The following FARP1 variants were observed in gnomAD, a reference collection of about 807,000 sequenced individuals.
The protein encoded by FARP1 is FERM, ARHGEF and pleckstrin domain-containing protein 1.
In FARP1, 52 loss-of-function variants were observed where a neutral mutation model predicts 128.8. The ratio of observed to expected loss-of-function variants is 0.40; its 90% CI spans 0.32 to 0.51. The LOEUF is 0.51. Ranked by LOEUF, FARP1 falls within the 20% of genes least tolerant of loss-of-function variation. FARP1 has a pLI of 0.45. For missense variants in FARP1, 1,333 were observed against 1,367.9 expected, an observed-to-expected ratio of 0.97 and a Z score of 0.40; for synonymous variants, 580 against 551.8, an observed-to-expected ratio of 1.05 and a Z score of -0.72.
rs551411033 is a variant in FARP1 at position 98,242,556 on chromosome 13, A to G, written c.171+29143A>G. ...TAGCCACGTGTGGTGCTGTGTGCCT[A>G]TAGTCCCAGCTGCTTAGGAGGCTGA... On this transcript the variant is annotated intron_variant, in intron 2 of 26. Transcript: ENST00000319562. Among the ~76,000 whole-genome samples, 5 of 152,064 alleles carry G rather than the reference A, an allele frequency of 3.3e-5. No individual in the cohort carries two copies. The South Asian group carries it at 8.3e-4, about 25-fold the overall frequency.
At chr13:98,366,379 G>T (rs1889084762) in intron 4 of FARP1, among the ~76,000 whole-genome samples, 1 of 152,168 alleles carries the variant, frequency 6.6e-6, no homozygotes, top group African/African-American at 2.4e-5. Flanking sequence ...ACAATGAAAT[G>T]GCCATCATTT....
chr13:98,355,080 T>C (rs1888586012), intron 3 of FARP1, among the ~76,000 whole-genome samples: 1 of 152,124 alleles, frequency 6.6e-6, no homozygotes, highest in Non-Finnish European at 1.5e-5. Context: ...AGGCAAGATG[T>C]CTCATGCCTG....
intron 2 of FARP1, among the ~76,000 whole-genome samples, chr13:98,236,093 A>G (rs1266955488): frequency 2.0e-5 from 3 of 152,186 alleles, no homozygotes; most frequent in African/African-American, 7.2e-5. Context: ...CGAAACTCAT[A>G]TAATTGGAAT....
intron 2 of FARP1, among the ~76,000 whole-genome samples, chr13:98,306,315 C>T (rs1214172877): frequency 6.6e-5 from 10 of 152,064 alleles, no homozygotes; most frequent in Non-Finnish European, 1.2e-4. Context: ...CCTTTTCTTA[C>T]GAGGGGAAGA....
At chr13:98,320,125 A>G (rs764074339) in intron 2 of FARP1, among the ~76,000 whole-genome samples, 3 of 152,130 alleles carry the variant, frequency 2.0e-5, no homozygotes, top group Non-Finnish European at 4.4e-5. Flanking sequence ...TCTTCCCTTC[A>G]TCTGCAGACC....
chr13:98,275,867 A>G (rs191851952), intron 2 of FARP1, among the ~76,000 whole-genome samples: 168 of 152,312 alleles, frequency 1.1e-3, no homozygotes, highest in African/African-American at 3.8e-3. Context: ...GAATCATAAA[A>G]TATTCTTTTC....
intron 1 of FARP1, among the ~76,000 whole-genome samples, chr13:98,167,924 G>C (rs1259952523): frequency 2.0e-5 from 3 of 150,634 alleles, no homozygotes; most frequent in African/African-American, 4.9e-5. Flanking sequence ...TGTAATCCCA[G>C]CACTTTGGGA....
chr13:98,258,551 G>A (rs974907964), intron 2 of FARP1, among the ~76,000 whole-genome samples: 1 of 152,146 alleles, frequency 6.6e-6, no homozygotes, highest in African/African-American at 2.4e-5. Context: ...CTGAATAGTG[G>A]CAAAGATGAT....
intron 13 of FARP1, chr13:98,396,416 G>A (rs138894453): frequency 0.011 from 4,484 of 399,166 alleles, 46 homozygotes; most frequent in Middle Eastern, 0.027. Context: ...CTGAGAAGCC[G>A]GGGGTCCTTG....
intron 2 of FARP1, among the ~76,000 whole-genome samples, chr13:98,309,186 A>G (rs1594384346): frequency 2.5e-5 from 2 of 79,212 alleles, no homozygotes; most frequent in South Asian, 4.7e-4. Context: ...TTTTTTTTGG[A>G]GACGGAGTCT....
intron 16 of FARP1, among the ~76,000 whole-genome samples, chr13:98,423,876 C>T (rs1220868758): frequency 2.0e-5 from 3 of 152,182 alleles, no homozygotes; most frequent in Admixed American, 6.5e-5. Flanking sequence ...GAAAGGTGTA[C>T]GTGTACCCCA....
intron 2 of FARP1, among the ~76,000 whole-genome samples, chr13:98,330,840 C>T (rs571669888): frequency 7.2e-5 from 11 of 152,018 alleles, no homozygotes; most frequent in Non-Finnish European, 1.3e-4. Context: ...CATGAGTGTC[C>T]ACAGATGTAT....
intron 2 of FARP1, among the ~76,000 whole-genome samples, chr13:98,261,146 C>T (rs1883860424): frequency 6.6e-6 from 1 of 152,206 alleles, no homozygotes; most frequent in Non-Finnish European, 1.5e-5. Context: ...GCACGCTGCT[C>T]ATGCAGACAC....
intron 2 of FARP1, among the ~76,000 whole-genome samples, chr13:98,300,757 A>G (rs1208395144): frequency 3.3e-5 from 5 of 152,222 alleles, no homozygotes; most frequent in African/African-American, 1.2e-4. Flanking sequence ...TCAAATATAT[A>G]TGGGGCACTT....
rs777189728 is a variant in FARP1, at chr13:98,379,102, A to G, written c.496+1184A>G. 8.2e-5 allele frequency among the ~76,000 whole-genome samples: 8 copies of G among 97,218 alleles called. 1 individual carries two copies. The South Asian group carries it at 9.1e-4, about 11-fold the overall frequency. 63.8% of individuals were successfully genotyped at this position (97,218 alleles called of 152,430 possible). A position where few individuals can be genotyped will look rare whatever the true frequency, so the allele number is the denominator to read the frequency against. ...TATGTAATCTATATATAATATATAT[A>G]TAATATATAATCTATATATAATATA... On this transcript the variant is annotated intron_variant, in intron 6 of 26. Coordinates refer to ENST00000319562, the MANE Select transcript of FARP1 (RefSeq NM_005766.4).
chr13:98,371,575 T>C (rs1889333780), intron 5 of FARP1, among the ~76,000 whole-genome samples: 1 of 151,968 alleles, frequency 6.6e-6, no homozygotes, highest in South Asian at 2.1e-4. Context: ...TTTTATCATC[T>C]CTCCATCACT....
At chr13:98,161,771 T>C (rs1876905562) in intron 1 of FARP1, among the ~76,000 whole-genome samples, 2 of 152,050 alleles carry the variant, frequency 1.3e-5, no homozygotes, top group Admixed American at 6.6e-5. Context: ...CCATCGTTCC[T>C]TCCTTCTTTC....
At chr13:98,340,281 G>T (rs539208989) in intron 2 of FARP1, among the ~76,000 whole-genome samples, 1 of 152,086 alleles carries the variant, frequency 6.6e-6, no homozygotes, top group African/African-American at 2.4e-5. Flanking sequence ...GAGAAAGAAG[G>T]TTCTGAAACT....
intron 2 of FARP1, among the ~76,000 whole-genome samples, chr13:98,314,274 CTTTTTTTTT>C (rs140938723): frequency 8.3e-5 from 5 of 59,990 alleles, no homozygotes; most frequent in African/African-American, 1.4e-4. Flanking sequence ...TATTTTATGT[CTTTTTTTTT>C]TTTTTTTTTT....
Sources: allele counts gnomAD v4.1 joint callset (sites outside exome capture counted in the v4.1 genomes callset), GRCh38; gene constraint gnomAD v4.1.1; transcripts MANE v1.5; gene names NCBI Gene and HGNC (gene_info 2026-07-23, HGNC 2026-07-21).